Variants in UBE3B observed in about 807,000 individuals in gnomAD.
UBE3B encodes the protein ubiquitin protein ligase E3B, also known as ubiquitin-protein ligase E3B.
UBE3B carries 80 observed loss-of-function variants against 132.3 expected under a neutral mutation model. The observed-to-expected ratio is 0.60, with a 90% CI of 0.50 to 0.73. The LOEUF (loss-of-function observed/expected upper bound fraction) is 0.73, where lower values mean the gene tolerates loss of function less well. Among genes scored for constraint, UBE3B ranks in the 30% least tolerant of loss-of-function variants. UBE3B has a pLI of 0.00. For synonymous variants in UBE3B, 487 were observed against 520.4 expected, an observed-to-expected ratio of 0.94 and a Z score of 0.87; for missense variants, 1,196 against 1,362.5, an observed-to-expected ratio of 0.88 and a Z score of 1.92.
chr12:109,529,740 G>A (rs917356748), intron 24 of UBE3B, 150 bp from the exon 25 acceptor site: 6 of 877,114 alleles, frequency 6.8e-6, no homozygotes, highest in South Asian at 3.2e-5. Context: ...CGTCATTGTC[G>A]CCATTGTCAT....
In UBE3B at chr12:109,503,028, CTA is replaced by C; in HGVS notation, c.1289_1290del (p.Leu430GlnfsTer20). 1.9e-6 allele frequency: 3 copies of C among 1,614,170 alleles called. No individual in the cohort carries two copies. Among genetic ancestry groups the C allele is most frequent in the Non-Finnish European group, 2.5e-6 (3 of 1,180,034 alleles). On this transcript the variant is annotated frameshift_variant, in exon 14 of 28. Coordinates refer to ENST00000342494, the MANE Select transcript of UBE3B (RefSeq NM_130466.4). LOFTEE classifies it high-confidence loss of function. ...PQNVLPVKSL[L>X]KRAFQKSASV... ...TCTTCTTTTCTCCATGCCAGGTCTC[CTA>C]AAGCGTGCTTTTCAAAAGTCGGCAT... is the stretch of plus-strand genomic sequence containing the variant.
At chr12:109,540,193 T>C (rs1182422897), downstream of UBE3B, among the ~76,000 whole-genome samples, 1 of 151,868 alleles carries the variant, frequency 6.6e-6, no homozygotes, top group Non-Finnish European at 1.5e-5. Flanking sequence ...GGGTGGGGGA[T>C]TTTTGGTTTT....
intron 23 of UBE3B, among the ~76,000 whole-genome samples, 164 bp downstream of exon 23, chr12:109,524,667 G>A (rs575852949): frequency 3.3e-5 from 5 of 152,204 alleles, no homozygotes; most frequent in Non-Finnish European, 4.4e-5. Context: ...CCAGGAGGGA[G>A]GGCCCCCTCC....
intron 26 of UBE3B, among the ~76,000 whole-genome samples, chr12:109,532,554 C>T (rs1438854525): frequency 6.6e-6 from 1 of 152,176 alleles, no homozygotes; most frequent in African/African-American, 2.4e-5. Context: ...GAAGGGAGAA[C>T]ATTCTTGGCT....
At position 109,521,392 on chromosome 12, in the gene UBE3B, C is replaced by T; in HGVS notation, c.2254-49C>T. 1.3e-6 allele frequency: 2 copies of T among 1,595,234 alleles called. No individual in the cohort carries two copies. Among genetic ancestry groups the T allele is most frequent in the Non-Finnish European group, 1.7e-6 (2 of 1,166,052 alleles). On this transcript the variant is annotated intron_variant, in intron 20 of 27. Transcript: ENST00000342494. The surrounding 1 kb of genome is among the most constrained non-coding windows in gnomAD (Gnocchi z 4.2). ...CAAGAAGTGAAGAGCTGGGCTTGCTCCTTGCAAGGCACTTGACCTCTGCCT... is the reference window on the plus strand; with the variant it reads ...CAAGAAGTGAAGAGCTGGGCTTGCTTCTTGCAAGGCACTTGACCTCTGCCT...
chr12:109,484,805 G>A (rs1185532987), intron 4 of UBE3B, among the ~76,000 whole-genome samples: 1 of 151,992 alleles, frequency 6.6e-6, no homozygotes, highest in African/African-American at 2.4e-5. Flanking sequence ...GCCCAGGCTG[G>A]AGTGCAGTAG....
intron 9 of UBE3B, among the ~76,000 whole-genome samples, chr12:109,495,520 G>A (rs1878067845): frequency 6.6e-6 from 1 of 152,182 alleles, no homozygotes; most frequent in Non-Finnish European, 1.5e-5. Context: ...TAACCCAGCG[G>A]CACTAGAGGA....
chr12:109,531,745 A>G (rs1566116754), intron 26 of UBE3B, among the ~76,000 whole-genome samples: 1 of 152,050 alleles, frequency 6.6e-6, no homozygotes, highest in Non-Finnish European at 1.5e-5. Context: ...CCAGAAGTTG[A>G]TTCTGGGAGA....
At chr12:109,525,429 G>T (rs551828185) in intron 23 of UBE3B, among the ~76,000 whole-genome samples, 1 of 152,176 alleles carries the variant, frequency 6.6e-6, no homozygotes, top group East Asian at 1.9e-4. Flanking sequence ...CTGGAATCAG[G>T]GGAAACCTCA....
At chr12:109,509,227 TCCTAGAC>T (rs746238845) in intron 15 of UBE3B, 90 of 154,348 alleles carry the variant, frequency 5.8e-4, no homozygotes, top group Non-Finnish European at 9.4e-4. Flanking sequence ...TTGAAGCAAA[TCCTAGAC>T]ATCATATCAT....
At chr12:109,517,867 A>G in intron 19 of UBE3B, 1 of 398,956 alleles carries the variant, frequency 2.5e-6, no homozygotes, top group South Asian at 1.8e-5. Context: ...ACGTGTCTTC[A>G]TTTTCTCCCT....
intron 9 of UBE3B, chr12:109,491,362 T>A: frequency 2.6e-6 from 1 of 380,838 alleles, no homozygotes; most frequent in South Asian, 1.1e-4. Context: ...GTGTGATCTT[T>A]GGAAACTATT....
chr12:109,517,221 A>G (rs1022968388), intron 19 of UBE3B, among the ~76,000 whole-genome samples: 7 of 152,158 alleles, frequency 4.6e-5, no homozygotes, highest in Non-Finnish European at 1.0e-4. Flanking sequence ...GGTCTGTGCA[A>G]ACTCCATTTG....
chr12:109,534,930 A>G lies in UBE3B; in HGVS notation c.*148A>G, dbSNP rs917485393. ...TAGCCATGAGACTCCTTGTGGCCTC[A>G]AGAAATTTAGACGCCCACGACAGCA... On this transcript the variant is annotated 3_prime_UTR_variant, in exon 28 of 28. Coordinates refer to ENST00000342494, the MANE Select transcript of UBE3B (RefSeq NM_130466.4). The surrounding 1 kb of genome is among the most constrained non-coding windows in gnomAD (Gnocchi z 5.2). 1.7e-6 allele frequency: 1 copy of G among 585,560 alleles called. No homozygotes were observed. The highest frequency in any genetic ancestry group is 1.9e-5 in the African/African-American group (1 of 51,488). The allele number at this position is 585,560 out of a possible 1,614,324, so 36.3% of individuals were successfully genotyped here.
chr12:109,499,895 GT>G, intron 12 of UBE3B, 85 bp downstream of exon 12: 1 of 1,282,192 alleles, frequency 7.8e-7, no homozygotes, highest in Non-Finnish European at 1.0e-6. Context: ...AGCTTGTGGT[GT>G]TTTGTTTCTT....
rs375384123 is a variant in UBE3B at position 109,510,412 on chromosome 12, C to T, written c.1810C>T (p.Arg604Trp). ...VHGWLMVLYE[R>W]DCRRRFTPED... ...CGGGTGGCTTATGGTGCTGTACGAG[C>T]GGGACTGCCGGCGGCGCTTCACCCC... Residue 604 changes from arginine to tryptophan, a missense_variant, in exon 17 of 28, where the codon CGG becomes TGG. Physicochemically the swap from Arg to Trp is moderately radical, Grantham distance 101 (BLOSUM62 -3). Transcript: ENST00000342494. 75 of 1,612,892 alleles carry T rather than the reference C, an allele frequency of 4.7e-5. No homozygotes were observed. The highest frequency in any genetic ancestry group is 5.5e-5 in the Non-Finnish European group (65 of 1,179,632).
chr12:109,528,424 G>A (rs1882594636), intron 24 of UBE3B: 3 of 985,290 alleles, frequency 3.0e-6, no homozygotes, highest in South Asian at 9.4e-5. Flanking sequence ...CAGGTTTGCT[G>A]CTGGAAAATT....
intron 15 of UBE3B, chr12:109,508,842 A>C: frequency 3.9e-6 from 3 of 766,728 alleles, no homozygotes; most frequent in Non-Finnish European, 1.6e-6. Context: ...ATTTACTCAC[A>C]AATGCTTACT....
At position 109,533,718 on chromosome 12, in the gene UBE3B, G is replaced by A. The variant is rs747815389; in HGVS notation, c.3015+160G>A. On this transcript the variant is annotated intron_variant, in intron 27 of 27. Transcript: ENST00000342494. ...GAGGGCCCCACAGTTCTCACGGCAG[G>A]AGAACCAGCCAGCCCCAGAGAGACT... 10 of 858,536 alleles carry A rather than the reference G, an allele frequency of 1.2e-5. No homozygotes were observed. In the East Asian group the frequency reaches 2.6e-4, roughly 23 times the overall value. 53.2% of individuals were successfully genotyped at this position (858,536 alleles called of 1,614,324 possible).
Sources: allele counts gnomAD v4.1 joint callset (sites outside exome capture counted in the v4.1 genomes callset), GRCh38; gene constraint gnomAD v4.1.1; non-coding constraint Gnocchi (gnomAD v3.1); transcripts MANE v1.5; gene names NCBI Gene and HGNC (gene_info 2026-07-23, HGNC 2026-07-21).